Variants in AUTS2 observed in about 807,000 individuals in gnomAD.
The protein encoded by AUTS2 is activator of transcription and developmental regulator AUTS2, also known as autism susceptibility gene 2 protein.
Under a neutral mutation model 112.4 loss-of-function variants are expected in AUTS2, and 17 were observed. The ratio of observed to expected loss-of-function variants is 0.15; its 90% CI spans 0.10 to 0.23. AUTS2 has a LOEUF of 0.23. AUTS2 is among the 10% of genes least tolerant of loss of function. The probability of loss-of-function intolerance (pLI) is 1.00; values close to 1 mark genes in which losing one functional copy is unlikely to be tolerated. For synonymous variants in AUTS2, 751 were observed against 702.7 expected, an observed-to-expected ratio of 1.07 and a Z score of -1.09; for missense variants, 1,510 against 1,701.6, an observed-to-expected ratio of 0.89 and a Z score of 1.98.
intron 5 of AUTS2, among the ~76,000 whole-genome samples, chr7:70,527,982 A>G (rs1799914243): frequency 6.6e-6 from 1 of 152,170 alleles, no homozygotes; most frequent in South Asian, 2.1e-4. Context: ...GCCACTCCTA[A>G]CACACCTGCT....
rs956260445 is a variant in AUTS2, at chr7:69,735,696, A to G, written c.309+135734A>G. Among the ~76,000 whole-genome samples the G allele has an allele frequency of 1.0e-3, 159 of 152,306 alleles. 1 individual carries two copies. The highest frequency in any genetic ancestry group is 1.2e-3 in the South Asian group (6 of 4,822). On this transcript the variant is annotated intron_variant, in intron 1 of 18. Transcript: ENST00000342771. Reference sequence around the variant, plus strand: ...AAGTGGCCACAAACACAACTAGAGTATGGTGAGTTCTGTTCAGTGGAGGTG... The same window carrying G: ...AAGTGGCCACAAACACAACTAGAGTGTGGTGAGTTCTGTTCAGTGGAGGTG...
chr7:70,318,413 A>G (rs1231328849), intron 4 of AUTS2, among the ~76,000 whole-genome samples: 1 of 152,146 alleles, frequency 6.6e-6, no homozygotes, highest in Non-Finnish European at 1.5e-5. Flanking sequence ...CCAGGGAAAG[A>G]GAATGAAGCA....
chr7:70,170,608 T>G (rs1808627063), intron 4 of AUTS2, among the ~76,000 whole-genome samples: 1 of 149,790 alleles, frequency 6.7e-6, no homozygotes, highest in Non-Finnish European at 1.5e-5. Context: ...TTTTTTTTTT[T>G]TTTTTGAGAT....
At chr7:69,894,371 G>T (rs186548056) in intron 1 of AUTS2, among the ~76,000 whole-genome samples, 1 of 149,408 alleles carries the variant, frequency 6.7e-6, no homozygotes, top group Non-Finnish European at 1.5e-5. Context: ...CCCTGTTAGG[G>T]TCTCTAGCTG....
At chr7:70,297,635 C>T (rs544197773) in intron 4 of AUTS2, among the ~76,000 whole-genome samples, 8 of 151,716 alleles carry the variant, frequency 5.3e-5, no homozygotes, top group South Asian at 2.1e-4. Context: ...GGGGTTTCAC[C>T]GTGTTAGCCA....
chr7:70,009,795 A>G (rs974581590), intron 2 of AUTS2, among the ~76,000 whole-genome samples: 3 of 152,352 alleles, frequency 2.0e-5, no homozygotes, highest in East Asian at 1.9e-4. Flanking sequence ...GCCCAAGGTC[A>G]TATGACTTGA....
chr7:70,579,160 C>A (rs552747816), intron 5 of AUTS2, among the ~76,000 whole-genome samples: 2 of 148,592 alleles, frequency 1.3e-5, no homozygotes, highest in Admixed American at 6.8e-5. Context: ...AACTCCTGAG[C>A]TAAAGCAATC....
chr7:69,848,723 C>A (rs1792323828), intron 1 of AUTS2, among the ~76,000 whole-genome samples: 2 of 152,192 alleles, frequency 1.3e-5, no homozygotes, highest in Non-Finnish European at 2.9e-5. Flanking sequence ...GTCCCATTTC[C>A]CGCTTTCTCC....
intron 2 of AUTS2, among the ~76,000 whole-genome samples, chr7:70,083,763 A>G (rs1584694304): frequency 6.6e-6 from 1 of 152,108 alleles, no homozygotes; most frequent in South Asian, 2.1e-4. Flanking sequence ...CCTGGGCAAC[A>G]CTGGAAAACT....
intron 4 of AUTS2, 70 bp from the exon 5 acceptor site, chr7:70,435,682 G>T: frequency 6.7e-7 from 1 of 1,502,070 alleles, no homozygotes; most frequent in Non-Finnish European, 9.3e-7. Context: ...GGGGTTGGGG[G>T]AGGAGGCATC....
chr7:70,313,973 G>C (rs1188421259), intron 4 of AUTS2, among the ~76,000 whole-genome samples: 1 of 152,200 alleles, frequency 6.6e-6, no homozygotes, highest in Non-Finnish European at 1.5e-5. Flanking sequence ...CTCTTACATA[G>C]TAGGAGCGAT....
At chr7:69,810,845 T>C in intron 1 of AUTS2, among the ~76,000 whole-genome samples, 1 of 152,228 alleles carries the variant, frequency 6.6e-6, no homozygotes, top group Non-Finnish European at 1.5e-5. Flanking sequence ...GAGAGCTTTT[T>C]AAAGACTAGA....
At chr7:70,739,003 CTTTTTTTTTTTTT>C (rs57525224) in intron 6 of AUTS2, among the ~76,000 whole-genome samples, 18 of 57,308 alleles carry the variant, frequency 3.1e-4, no homozygotes, top group Middle Eastern at 0.014. Flanking sequence ...GTTTTGAGGC[CTTTTTTTTTTTTT>C]TTTTTTTTTT....
At chr7:69,613,477 A>G (rs1426080741) in intron 1 of AUTS2, among the ~76,000 whole-genome samples, 2 of 152,304 alleles carry the variant, frequency 1.3e-5, no homozygotes, top group African/African-American at 4.8e-5. Flanking sequence ...TATACTACTC[A>G]GGTAGATTTT....
chr7:70,751,886 A>G (rs1405898418), intron 6 of AUTS2, among the ~76,000 whole-genome samples: 1 of 148,618 alleles, frequency 6.7e-6, no homozygotes, highest in Admixed American at 6.7e-5. Flanking sequence ...ACACCACCTA[A>G]TTTTTGTTTT....
chr7:70,565,458 T>C (rs1159483326), intron 5 of AUTS2, among the ~76,000 whole-genome samples: 3 of 152,086 alleles, frequency 2.0e-5, no homozygotes, highest in Non-Finnish European at 2.9e-5. Context: ...GTGAGAGGAT[T>C]GCTTGAGCCT....
chr7:70,142,423 C>T (rs1423896019), intron 4 of AUTS2, among the ~76,000 whole-genome samples: 1 of 152,212 alleles, frequency 6.6e-6, no homozygotes, highest in Non-Finnish European at 1.5e-5. Flanking sequence ...CCTTTCTTTG[C>T]TGTCCTTTGA....
At chr7:70,779,472 T>C (rs1790922788) in intron 14 of AUTS2, among the ~76,000 whole-genome samples, 1 of 152,158 alleles carries the variant, frequency 6.6e-6, no homozygotes, top group Admixed American at 6.5e-5. Flanking sequence ...GCCCTCTTAA[T>C]GGGTGGTGTC....
chr7:70,480,111 C>T lies in AUTS2; in HGVS notation c.690+44330C>T, dbSNP rs541523209. Reference sequence around the variant, plus strand: ...CAGGCCAGATTATCTTGGCAGATCTCGCTCTCACTGTGGTTCTTAGCCTTT... The same window carrying T: ...CAGGCCAGATTATCTTGGCAGATCTTGCTCTCACTGTGGTTCTTAGCCTTT... On this transcript the variant is annotated intron_variant, in intron 5 of 18. Coordinates refer to ENST00000342771, the MANE Select transcript of AUTS2 (RefSeq NM_015570.4). Among the ~76,000 whole-genome samples the T allele has an allele frequency of 2.6e-5, 4 of 152,296 alleles. No individual in the cohort carries two copies. The South Asian group carries it at 6.2e-4, about 24-fold the overall frequency.
Sources: gnomAD v4.1 joint callset for allele counts (sites outside exome capture counted in the v4.1 genomes callset) on GRCh38, gnomAD v4.1.1 for gene constraint, MANE v1.5 for transcripts, NCBI Gene and HGNC (gene_info 2026-07-23, HGNC 2026-07-21) for gene names.